The following PCDH15 variants were observed in gnomAD, a reference collection of about 807,000 sequenced individuals.
PCDH15 encodes protocadherin-15.
In PCDH15, 129 loss-of-function variants were observed where a neutral mutation model predicts 178.5. That is an observed-to-expected ratio of 0.72 (90% CI 0.63 to 0.84). The LOEUF (loss-of-function observed/expected upper bound fraction) is 0.84. PCDH15 is among the 40% of genes least tolerant of loss of function. PCDH15 has a pLI of 0.00. For missense variants in PCDH15, 2,230 were observed against 2,099.9 expected (o/e 1.06, Z -1.21); for synonymous variants, 800 against 732.0 (o/e 1.09, Z -1.50).
chr10:54,104,377 C>T (rs1189827539), intron 15 of PCDH15, among the ~76,000 whole-genome samples: 8 of 152,068 alleles, frequency 5.3e-5, no homozygotes, highest in Admixed American at 1.3e-4. Context: ...GGACACCTGG[C>T]GAGGCTGTGA....
chr10:54,705,366 T>G (rs1051487826), intron 1 of PCDH15, among the ~76,000 whole-genome samples: 10 of 152,104 alleles, frequency 6.6e-5, no homozygotes, highest in Non-Finnish European at 1.5e-5. Context: ...TCCAGAACTG[T>G]CATTTGAATG....
intron 1 of PCDH15, among the ~76,000 whole-genome samples, chr10:54,701,131 G>A (rs1395252539): frequency 6.6e-6 from 1 of 152,008 alleles, no homozygotes; most frequent in African/African-American, 2.4e-5. Flanking sequence ...CAACAAATTG[G>A]AGAGGAAATA....
chr10:54,354,414 T>C (rs1358895243), intron 5 of PCDH15, among the ~76,000 whole-genome samples: 13 of 152,316 alleles, frequency 8.5e-5, no homozygotes, highest in Non-Finnish European at 1.6e-4. Context: ...CTTCCTTTAA[T>C]CTCCTTATCT....
At chr10:54,254,287 T>C (rs1278440383) in intron 8 of PCDH15, among the ~76,000 whole-genome samples, 2 of 152,020 alleles carry the variant, frequency 1.3e-5, no homozygotes, top group Non-Finnish European at 2.9e-5. Flanking sequence ...AAAAAGAAAA[T>C]TTAGAAAACA....
At chr10:54,945,351 T>TAGACA (rs36018565) in intron 2 of PCDH15, among the ~76,000 whole-genome samples, 2 of 138,014 alleles carry the variant, frequency 1.4e-5, no homozygotes, top group Non-Finnish European at 3.2e-5. Context: ...GATAGATAGA[T>TAGACA]GATAGATAGA....
At chr10:53,998,154 G>A (rs1423855456) in intron 20 of PCDH15, among the ~76,000 whole-genome samples, 1 of 152,120 alleles carries the variant, frequency 6.6e-6, no homozygotes, top group South Asian at 2.1e-4. Flanking sequence ...TATTCCACTA[G>A]AGGGTAGTAT....
chr10:55,022,303 T>A (rs1840350379), intron 2 of PCDH15, among the ~76,000 whole-genome samples: 2 of 151,642 alleles, frequency 1.3e-5, no homozygotes, highest in African/African-American at 4.8e-5. Context: ...AACACAAAAA[T>A]TAGCTGGGCA....
intron 24 of PCDH15, 81 bp from the exon 25 acceptor site, chr10:53,939,036 CA>C: frequency 7.1e-7 from 1 of 1,413,300 alleles, no homozygotes; most frequent in Non-Finnish European, 9.9e-7. Context: ...ACTGTGATTT[CA>C]AAAACACTAA....
chr10:54,259,384 G>A (rs1453926516), intron 8 of PCDH15, among the ~76,000 whole-genome samples: 1 of 152,108 alleles, frequency 6.6e-6, no homozygotes, highest in Non-Finnish European at 1.5e-5. Flanking sequence ...GCTTGTGGTG[G>A]CAGTATAAAA....
At chr10:55,535,424 TTTTTA>T (rs979223241) in intron 2 of PCDH15, among the ~76,000 whole-genome samples, 26 of 152,038 alleles carry the variant, frequency 1.7e-4, no homozygotes, top group Non-Finnish European at 3.7e-4. Flanking sequence ...CAACTTTTCT[TTTTTA>T]TTTTATCAGT....
chr10:54,385,101 A>C lies in PCDH15; in HGVS notation c.158-6159T>G, dbSNP rs567865723. 5.3e-5 allele frequency among the ~76,000 whole-genome samples: 8 copies of C among 152,176 alleles called. No homozygotes were observed. The South Asian group carries it at 1.2e-3, about 24-fold the overall frequency. ...AAAGGTCACATCATAATCCTCCTCCATTTCTCCTCTGATTTCAGATTTAAT... is the reference window on the plus strand; with the variant it reads ...AAAGGTCACATCATAATCCTCCTCCCTTTCTCCTCTGATTTCAGATTTAAT... On this transcript the variant is annotated intron_variant, in intron 3 of 37. Transcript: ENST00000644397.
Position 53,831,323 on chromosome 10 carries a change from G to A in PCDH15, c.4194C>T (p.Ser1398=). The A allele has an allele frequency of 6.2e-7, 1 of 1,614,086 alleles. No individual in the cohort carries two copies. The highest frequency in any genetic ancestry group is 8.5e-7 in the Non-Finnish European group (1 of 1,179,990). Residue 1398 remains serine, a synonymous_variant, in exon 30 of 38, where the codon AGC becomes AGT. Transcript: ENST00000644397. ...CIPAILVVLV[S]YRQFKVRQAE... ...CATCCTTGAATACTTACTGTCTGTA[G>A]CTGACCAAAACCACCAAGATGGCAG... is the stretch of plus-strand genomic sequence containing the variant.
intron 3 of PCDH15, among the ~76,000 whole-genome samples, chr10:54,469,512 A>G (rs2077747114): frequency 6.6e-6 from 1 of 152,086 alleles, no homozygotes; most frequent in Admixed American, 6.6e-5. Flanking sequence ...ATAATTCACC[A>G]CACATACATG....
At chr10:55,153,369 C>A (rs926543137) in intron 2 of PCDH15, among the ~76,000 whole-genome samples, 6 of 152,090 alleles carry the variant, frequency 3.9e-5, no homozygotes, top group Non-Finnish European at 5.9e-5. Flanking sequence ...GCTGCATCAG[C>A]CTGGAGGACA....
chr10:54,996,968 G>A (rs1839662698), intron 2 of PCDH15, among the ~76,000 whole-genome samples: 2 of 152,026 alleles, frequency 1.3e-5, no homozygotes, highest in African/African-American at 2.4e-5. Context: ...AATTAGCCGG[G>A]TGTAGTGGCG....
chr10:55,502,441 T>C (rs1354240177), intron 2 of PCDH15, among the ~76,000 whole-genome samples: 1 of 151,696 alleles, frequency 6.6e-6, no homozygotes, highest in Non-Finnish European at 1.5e-5. Context: ...TAGTATACAC[T>C]ATCATGATCA....
intron 2 of PCDH15, among the ~76,000 whole-genome samples, chr10:55,123,193 A>G (rs1837815967): frequency 6.6e-6 from 1 of 151,376 alleles, no homozygotes; most frequent in African/African-American, 2.4e-5. Flanking sequence ...ATTCTGTGTT[A>G]TCTAAATTAT....
intron 1 of PCDH15, among the ~76,000 whole-genome samples, chr10:54,796,548 T>G (rs1320793366): frequency 6.6e-6 from 1 of 151,908 alleles, no homozygotes; most frequent in Non-Finnish European, 1.5e-5. Context: ...TCTGTCACTC[T>G]GCTTCTACCT....
In PCDH15 at chr10:53,949,360, A is replaced by C. The variant is rs189855172; in HGVS notation, c.3123-8385T>G. Among the ~76,000 whole-genome samples the C allele has an allele frequency of 8.1e-3, 1,230 of 152,344 alleles. 52 individuals carry two copies. The highest frequency in any genetic ancestry group is 0.068 in the Admixed American group (1,034 of 15,304). Reference sequence around the variant, plus strand: ...ATTAAAATAGAAAACAATTTTAGCAATCGAGTTATGCTCTCTGCATATGCA... The same window carrying C: ...ATTAAAATAGAAAACAATTTTAGCACTCGAGTTATGCTCTCTGCATATGCA... On this transcript the variant is annotated intron_variant, in intron 23 of 37. Coordinates refer to ENST00000644397, the MANE Select transcript of PCDH15 (RefSeq NM_001384140.1).
Sources: allele counts gnomAD v4.1 joint callset (sites outside exome capture counted in the v4.1 genomes callset), GRCh38; gene constraint gnomAD v4.1.1; transcripts MANE v1.5; gene names NCBI Gene and HGNC (gene_info 2026-07-23, HGNC 2026-07-21).